Variants in SNTB2 observed in about 807,000 individuals in gnomAD.
The protein encoded by SNTB2 is beta-2-syntrophin.
Under a neutral mutation model 46.2 loss-of-function variants are expected in SNTB2, and 34 were observed. The ratio of observed to expected loss-of-function variants is 0.74; its 90% CI spans 0.56 to 0.98. The LOEUF is 0.98. SNTB2 is among the 50% of genes least tolerant of loss of function. The pLI is 0.00. For synonymous variants in SNTB2, 290 were observed against 312.6 expected (o/e 0.93, Z 0.76); for missense variants, 603 against 731.4 (o/e 0.82, Z 2.02).
chr16:69,232,585 C>G (rs1235561786), intron 1 of SNTB2, among the ~76,000 whole-genome samples: 1 of 137,664 alleles, frequency 7.3e-6, no homozygotes, highest in Non-Finnish European at 1.5e-5. Flanking sequence ...CATCTTGGCT[C>G]GTTGCAACCT....
chr16:69,245,477 G>T, intron 1 of SNTB2, 125 bp from the exon 2 acceptor site: 1 of 916,260 alleles, frequency 1.1e-6, no homozygotes, highest in African/African-American at 1.6e-5. Flanking sequence ...TTACAGGAGT[G>T]AGCCACCGCG....
At chr16:69,194,792 G>T (rs1452734160) in intron 1 of SNTB2, among the ~76,000 whole-genome samples, 1 of 152,128 alleles carries the variant, frequency 6.6e-6, no homozygotes, top group Non-Finnish European at 1.5e-5. Context: ...TCTCAAAGGA[G>T]AATTAAGGTG....
intron 2 of SNTB2, among the ~76,000 whole-genome samples, chr16:69,247,346 G>A (rs1567406436): frequency 6.6e-6 from 1 of 152,090 alleles, no homozygotes; most frequent in Non-Finnish European, 1.5e-5. Flanking sequence ...AGTGGCACTG[G>A]TAGACCGAAT....
At chr16:69,275,338 A>G (rs1964977257) in intron 4 of SNTB2, among the ~76,000 whole-genome samples, 1 of 152,178 alleles carries the variant, frequency 6.6e-6, no homozygotes, top group Non-Finnish European at 1.5e-5. Context: ...AATTTCTGGG[A>G]TTATAAGTAT....
At chr16:69,203,026 CT>C (rs902675172) in intron 1 of SNTB2, among the ~76,000 whole-genome samples, 4 of 149,880 alleles carry the variant, frequency 2.7e-5, no homozygotes, top group African/African-American at 9.8e-5. Context: ...AGCCTGTTTT[CT>C]TTTTTTTTGA....
At chr16:69,293,286 C>T (rs558527639) in intron 5 of SNTB2, among the ~76,000 whole-genome samples, 1 of 152,068 alleles carries the variant, frequency 6.6e-6, no homozygotes, top group Non-Finnish European at 1.5e-5. Flanking sequence ...AGCTGTCTAT[C>T]CATAAGTCGG....
intron 1 of SNTB2, among the ~76,000 whole-genome samples, chr16:69,228,995 G>A (rs756870593): frequency 6.6e-6 from 1 of 152,096 alleles, no homozygotes; most frequent in Non-Finnish European, 1.5e-5. Context: ...AGCATCAATC[G>A]TAGGCTAATG....
intron 1 of SNTB2, 27 bp downstream of exon 1, chr16:69,187,773 G>GGGGGGGCC: frequency 9.0e-6 from 3 of 331,854 alleles, no homozygotes; most frequent in East Asian, 9.7e-5. Context: ...GGGAGGGTGG[G>GGGGGGGCC]CAGGCCGCGG....
rs780431123 is a variant in SNTB2 at position 69,187,200 on chromosome 16, G to A, written c.34G>A (p.Ala12Thr). The A allele has an allele frequency of 7.1e-7, 1 of 1,400,008 alleles. No individual in the cohort carries two copies. The highest frequency in any genetic ancestry group is 3.1e-5 in the Admixed American group (1 of 32,510). The allele number at this position is 1,400,008 out of a possible 1,614,324, so 86.7% of individuals were successfully genotyped here. Reference sequence around the variant, plus strand: ...AGCTGCGGCGACTGCGGCGGCTGGAGCGGGGCCGGCCATGGCGGTGTGGAC... The same window carrying A: ...AGCTGCGGCGACTGCGGCGGCTGGAACGGGGCCGGCCATGGCGGTGTGGAC... The part of the protein sequence containing the change: ...RVAAATAAAG[A>T]GPAMAVWTRA... Residue 12 changes from alanine to threonine, a missense_variant, in exon 1 of 7, where the codon GCG (alanine) becomes ACG (threonine). Physicochemically the swap from Ala to Thr is moderately conservative, Grantham distance 58. Transcript: ENST00000336278.
At chr16:69,237,804 A>G (rs931537059) in intron 1 of SNTB2, among the ~76,000 whole-genome samples, 4 of 151,360 alleles carry the variant, frequency 2.6e-5, no homozygotes, top group Non-Finnish European at 4.4e-5. Context: ...GAGTTTCTCC[A>G]TGTGGTCAGG....
intron 1 of SNTB2, chr16:69,235,594 G>A (rs377109524): frequency 1.3e-6 from 1 of 766,696 alleles, no homozygotes; most frequent in Non-Finnish European, 1.6e-6. Flanking sequence ...GGGGAGGGGG[G>A]AACTAAAAGG....
Position 69,187,169 on chromosome 16 carries a change from G to GAGGGTAGCT in SNTB2, c.4_12dup (p.Arg2_Ala4dup). On this transcript the variant is annotated inframe_insertion, in exon 1 of 7. Transcript: ENST00000336278. ...AGCGCCGAGGCTGCCTGACTGGAAT[G>GAGGGTAGCT]AGGGTAGCTGCGGCGACTGCGGCGG... 1 of 1,356,496 alleles carries GAGGGTAGCT rather than the reference G, an allele frequency of 7.4e-7. No individual in the cohort carries two copies. The highest frequency in any genetic ancestry group is 3.5e-5 in the Admixed American group (1 of 28,718). 84.0% of individuals were successfully genotyped at this position (1,356,496 alleles called of 1,614,324 possible).
At chr16:69,205,184 C>G (rs1318001228) in intron 1 of SNTB2, among the ~76,000 whole-genome samples, 1 of 148,108 alleles carries the variant, frequency 6.8e-6, no homozygotes, top group Non-Finnish European at 1.5e-5. Flanking sequence ...GAGACTTGCT[C>G]TGTCACCCAG....
chr16:69,250,370 T>C (rs1964714343), intron 2 of SNTB2, among the ~76,000 whole-genome samples: 2 of 152,230 alleles, frequency 1.3e-5, no homozygotes, highest in Admixed American at 6.5e-5. Flanking sequence ...AAGATAGGCT[T>C]CGTAATGTTG....
intron 1 of SNTB2, among the ~76,000 whole-genome samples, chr16:69,203,865 T>G (rs531416255): frequency 6.6e-6 from 1 of 151,966 alleles, no homozygotes; most frequent in African/African-American, 2.4e-5. Context: ...CCTCCCAGGT[T>G]CAAGCGTTCT....
intron 4 of SNTB2, among the ~76,000 whole-genome samples, chr16:69,282,277 A>G (rs113431888): frequency 0.05 from 7,436 of 149,538 alleles, 261 homozygotes; most frequent in Non-Finnish European, 0.071. Flanking sequence ...CCTGGCTAAC[A>G]TGGTGAAACC....
At chr16:69,195,847 A>G (rs893691597) in intron 1 of SNTB2, among the ~76,000 whole-genome samples, 2 of 152,146 alleles carry the variant, frequency 1.3e-5, no homozygotes, top group Non-Finnish European at 2.9e-5. Flanking sequence ...TCACGTGCCC[A>G]TCCCTTGTGT....
intron 3 of SNTB2, among the ~76,000 whole-genome samples, chr16:69,261,838 A>AT (rs2143093933): frequency 6.6e-6 from 1 of 152,308 alleles, no homozygotes; most frequent in South Asian, 2.1e-4. Context: ...TCCACCTGTT[A>AT]TGCCTTTTGC....
intron 5 of SNTB2, among the ~76,000 whole-genome samples, chr16:69,287,438 C>T (rs1265240704): frequency 6.6e-6 from 1 of 151,928 alleles, no homozygotes; most frequent in Non-Finnish European, 1.5e-5. Flanking sequence ...GGAGTGGTGG[C>T]AGGCGCCTAT....
Sources: gnomAD v4.1 joint callset for allele counts (sites outside exome capture counted in the v4.1 genomes callset) on GRCh38, gnomAD v4.1.1 for gene constraint, MANE v1.5 for transcripts, NCBI Gene and HGNC (gene_info 2026-07-23, HGNC 2026-07-21) for gene names.